ERG: variants seen among roughly 807,000 people sequenced by gnomAD.
ERG encodes the protein transcriptional regulator ERG.
Under a neutral mutation model 55.3 loss-of-function variants are expected in ERG, and 9 were observed. The observed-to-expected ratio is 0.16, with a 90% CI of 0.10 to 0.28. ERG has a LOEUF of 0.28. Among genes scored for constraint, ERG ranks in the 10% least tolerant of loss-of-function variants. ERG has a pLI of 1.00. For missense variants in ERG, 434 were observed against 631.6 expected (o/e 0.69, Z 3.35); for synonymous variants, 223 against 237.3 (o/e 0.94, Z 0.55).
intron 2 of ERG, among the ~76,000 whole-genome samples, chr21:38,515,050 C>T (rs531756607): frequency 6.6e-6 from 1 of 152,038 alleles, no homozygotes; most frequent in Non-Finnish European, 1.5e-5. Context: ...AGAACCTCTA[C>T]ACCAAAAACT....
chr21:38,466,843 G>GT (rs1391166036), intron 1 of ERG, among the ~76,000 whole-genome samples: 2 of 152,076 alleles, frequency 1.3e-5, no homozygotes, highest in Non-Finnish European at 2.9e-5. Context: ...GAAAAACAGG[G>GT]TTTCTCTACT....
At chr21:38,392,272 T>C in intron 7 of ERG, 104 bp downstream of exon 7, 1 of 956,356 alleles carries the variant, frequency 1.0e-6, no homozygotes, top group Non-Finnish European at 1.7e-6. Flanking sequence ...ACCCATCACA[T>C]GTTGCAAAAT....
chr21:38,585,476 AT>A (rs1568931555), upstream of ERG, among the ~76,000 whole-genome samples: 1 of 148,078 alleles, frequency 6.8e-6, no homozygotes, highest in Non-Finnish European at 1.5e-5. Flanking sequence ...AAAGAAAAAA[AT>A]CTTTCTTACA....
chr21:38,642,791 A>G lies in ERG; in HGVS notation c.-150+18867T>C, dbSNP rs538838046. Among the ~76,000 whole-genome samples the G allele has an allele frequency of 5.3e-5, 8 of 152,348 alleles. No homozygotes were observed. The East Asian group carries it at 1.5e-3, about 29-fold the overall frequency. On this transcript the variant is annotated intron_variant, in intron 1 of 10. Coordinates refer to the ERG transcript ENST00000398910. ...TTGGTCAAAGGTATTGGGTCACTGA[A>G]GGAGGAGAGGGGTAGAAACAAGGCA... is the stretch of plus-strand genomic sequence containing the variant.
chr21:38,551,817 CGTT>C (rs1568906318), intron 2 of ERG, among the ~76,000 whole-genome samples: 1 of 151,942 alleles, frequency 6.6e-6, no homozygotes, highest in African/African-American at 2.4e-5. Context: ...CATATTGTGT[CGTT>C]GTTGGGTGCA....
intron 1 of ERG, among the ~76,000 whole-genome samples, chr21:38,603,063 C>T (rs373463169): frequency 1.3e-5 from 2 of 151,946 alleles, no homozygotes; most frequent in East Asian, 1.9e-4. Flanking sequence ...AAATCCTGTC[C>T]AGCCCCCAGG....
chr21:38,375,547 G>A (rs1025766063), downstream of ERG, among the ~76,000 whole-genome samples: 1 of 152,058 alleles, frequency 6.6e-6, no homozygotes, highest in African/African-American at 2.4e-5. Context: ...TAATAATACA[G>A]TAACCTTATT....
intron 2 of ERG, among the ~76,000 whole-genome samples, chr21:38,536,216 T>G (rs2059708980): frequency 6.6e-6 from 1 of 152,102 alleles, no homozygotes; most frequent in Admixed American, 6.6e-5. Flanking sequence ...CAACCAAACC[T>G]GACTTATACT....
At chr21:38,513,329 T>C (rs1462666460) in intron 2 of ERG, among the ~76,000 whole-genome samples, 5 of 151,858 alleles carry the variant, frequency 3.3e-5, no homozygotes, top group Non-Finnish European at 7.4e-5. Context: ...GAAATTTGAG[T>C]TGAGTTCCCC....
chr21:38,541,156 C>T (rs2059749373), intron 2 of ERG, among the ~76,000 whole-genome samples: 1 of 152,170 alleles, frequency 6.6e-6, no homozygotes, highest in African/African-American at 2.4e-5. Context: ...TGGAAGACGC[C>T]ATCCAATTAT....
intron 5 of ERG, among the ~76,000 whole-genome samples, chr21:38,400,889 A>G (rs1186247370): frequency 6.6e-6 from 1 of 152,200 alleles, no homozygotes; most frequent in Non-Finnish European, 1.5e-5. Flanking sequence ...TTTTGATTTT[A>G]TAACTTCTTG....
Position 38,380,606 on chromosome 21 carries a change from G to A in ERG, c.*2797C>T, listed in dbSNP as rs1209245764. On this transcript the variant is annotated 3_prime_UTR_variant, in exon 10 of 10. Transcript: ENST00000288319. ...CATGCAATTATGAATATGACCTGGA[G>A]GGGGCTTTGGAATTAGATTACAACA... 5 of 1,065,444 alleles carry A rather than the reference G, an allele frequency of 4.7e-6. No individual in the cohort carries two copies. Among genetic ancestry groups the A allele is most frequent in the African/African-American group, 3.3e-5 (2 of 61,082 alleles). The allele number at this position is 1,065,444 out of a possible 1,614,324, so 66.0% of individuals were successfully genotyped here.
chr21:38,407,771 AC>A (rs1198185150), intron 3 of ERG, among the ~76,000 whole-genome samples: 6 of 147,086 alleles, frequency 4.1e-5, no homozygotes, highest in Non-Finnish European at 9.0e-5. Context: ...AAGTAAAAAA[AC>A]AAAAAGAAAA....
At chr21:38,625,738 T>C (rs1296163761) in intron 1 of ERG, among the ~76,000 whole-genome samples, 1 of 152,150 alleles carries the variant, frequency 6.6e-6, no homozygotes, top group African/African-American at 2.4e-5. Context: ...ACTTTATTTT[T>C]GAACAGGTTC....
chr21:38,401,097 CA>C (rs1219288334), intron 5 of ERG, among the ~76,000 whole-genome samples: 7 of 152,036 alleles, frequency 4.6e-5, no homozygotes, highest in Non-Finnish European at 7.4e-5. Flanking sequence ...ATAATTAATC[CA>C]CATCTCTATT....
chr21:38,612,641 G>A (rs2060234516), intron 1 of ERG, among the ~76,000 whole-genome samples: 2 of 149,546 alleles, frequency 1.3e-5, no homozygotes, highest in Non-Finnish European at 1.5e-5. Flanking sequence ...GGAACCATTA[G>A]AATTATTTTC....
At chr21:38,497,939 A>G (rs2059393454) in intron 1 of ERG, among the ~76,000 whole-genome samples, 2 of 152,160 alleles carry the variant, frequency 1.3e-5, no homozygotes, top group South Asian at 4.1e-4. Flanking sequence ...CCCTGATGCT[A>G]AGGAGCCACT....
chr21:38,655,618 A>C (rs2060514318), intron 1 of ERG, among the ~76,000 whole-genome samples: 2 of 152,178 alleles, frequency 1.3e-5, no homozygotes, highest in Non-Finnish European at 2.9e-5. Flanking sequence ...ACTACGAACA[A>C]CTAAAAAGAA....
chr21:38,445,427 G>T lies in ERG; in HGVS notation c.213C>A (p.Asn71Lys), dbSNP rs1216320068. The T allele has an allele frequency of 3.7e-6, 6 of 1,614,074 alleles. No individual in the cohort carries two copies. Among genetic ancestry groups the T allele is most frequent in the Non-Finnish European group, 5.1e-6 (6 of 1,179,950 alleles). Residue 71 changes from asparagine to lysine, a missense_variant, in exon 2 of 10, where the codon AAC becomes AAA. Asn to Lys is a moderately conservative substitution (Grantham distance 94, BLOSUM62 0). This residue lies in a region of ERG where 212 missense variants were observed against 262.9 expected (regional missense o/e 0.81). Coordinates refer to ENST00000288319, the MANE Select transcript of ERG (RefSeq NM_182918.4). ...ACCTTGAGCCATTCACCTGGCTAGGGTTACATTCCATTTTGATGGTGACCC... is the reference window on the plus strand; with the variant it reads ...ACCTTGAGCCATTCACCTGGCTAGGTTTACATTCCATTTTGATGGTGACCC... ...PARVTIKMEC[N>K]PSQVNGSRNS... is the part of the protein sequence containing the mutation.
Sources: gnomAD v4.1 joint callset for allele counts (sites outside exome capture counted in the v4.1 genomes callset) on GRCh38, gnomAD v4.1.1 for gene constraint, gnomAD v4.1.1 regional missense constraint, MANE v1.5 for transcripts, NCBI Gene and HGNC (gene_info 2026-07-23, HGNC 2026-07-21) for gene names.